PTPRN2: variants seen among roughly 807,000 people sequenced by gnomAD.
PTPRN2 encodes protein tyrosine phosphatase receptor type N2.
Under a neutral mutation model 118.8 loss-of-function variants are expected in PTPRN2, and 74 were observed. The ratio of observed to expected loss-of-function variants is 0.62; its 90% CI spans 0.52 to 0.76. The LOEUF (loss-of-function observed/expected upper bound fraction) is 0.76. Ranked by LOEUF, PTPRN2 falls within the 30% of genes least tolerant of loss-of-function variation. The pLI, the probability that PTPRN2 is intolerant of heterozygous loss-of-function variation, is 0.00. For synonymous variants in PTPRN2, 641 were observed against 608.0 expected, an observed-to-expected ratio of 1.05 and a Z score of -0.80; for missense variants, 1,481 against 1,394.4, an observed-to-expected ratio of 1.06 and a Z score of -0.99.
chr7:158,301,543 G>A (rs1800894240), intron 3 of PTPRN2, among the ~76,000 whole-genome samples: 1 of 152,212 alleles, frequency 6.6e-6, no homozygotes, highest in South Asian at 2.1e-4. Flanking sequence ...TTTGAGTTAT[G>A]TGAACCTTCA....
chr7:158,522,419 C>T (rs1455400953), intron 1 of PTPRN2, among the ~76,000 whole-genome samples: 8 of 150,854 alleles, frequency 5.3e-5, no homozygotes, highest in East Asian at 1.9e-4. Context: ...GGTGCTGGCT[C>T]AGGGGGAAGG....
intron 12 of PTPRN2, among the ~76,000 whole-genome samples, chr7:157,718,044 C>T (rs544670769): frequency 1.0e-3 from 152 of 152,342 alleles, no homozygotes; most frequent in Non-Finnish European, 1.7e-3. Context: ...GGGAATGCTT[C>T]GTTTTTCTGT....
intron 11 of PTPRN2, among the ~76,000 whole-genome samples, chr7:158,052,496 G>T (rs1408389587): frequency 2.6e-5 from 4 of 152,236 alleles, no homozygotes; most frequent in Admixed American, 6.5e-5. Flanking sequence ...CAGCCTCCTG[G>T]GGAAGCCCTG....
At chr7:158,026,019 C>T (rs935217522) in intron 11 of PTPRN2, among the ~76,000 whole-genome samples, 1 of 152,252 alleles carries the variant, frequency 6.6e-6, no homozygotes, top group African/African-American at 2.4e-5. Context: ...TCCCTAAGAC[C>T]CCTCAGCTGC....
intron 10 of PTPRN2, among the ~76,000 whole-genome samples, chr7:158,104,813 C>T (rs568433919): frequency 6.7e-6 from 1 of 149,128 alleles, no homozygotes; most frequent in African/African-American, 2.5e-5. Flanking sequence ...CCCAACTCCA[C>T]ACAGCTCCAT....
intron 11 of PTPRN2, among the ~76,000 whole-genome samples, chr7:157,961,845 G>T (rs569715599): frequency 1.3e-5 from 2 of 152,316 alleles, no homozygotes; most frequent in Non-Finnish European, 2.9e-5. Flanking sequence ...GTTTATGGAG[G>T]ATGAGTTCCA....
intron 17 of PTPRN2, among the ~76,000 whole-genome samples, chr7:157,579,288 C>T (rs144908735): frequency 7.9e-5 from 12 of 152,284 alleles, no homozygotes; most frequent in South Asian, 2.1e-4. Flanking sequence ...ATTTACAAAA[C>T]GCCCACAAAT....
chr7:158,081,162 C>T (rs974692182), intron 11 of PTPRN2, 136 bp downstream of exon 11: 20 of 855,520 alleles, frequency 2.3e-5, no homozygotes, highest in Non-Finnish European at 3.4e-5. Flanking sequence ...CCACGGAAAC[C>T]GAGACCTTCC....
At chr7:157,555,638 T>A (rs1355200665) in intron 21 of PTPRN2, among the ~76,000 whole-genome samples, 2 of 152,232 alleles carry the variant, frequency 1.3e-5, no homozygotes, top group African/African-American at 4.8e-5. Context: ...GCAGGTAAGT[T>A]TTATTACAAT....
chr7:157,957,477 A>ATGGTAATTCCAAACATGAATTAGT (rs1801257243), intron 11 of PTPRN2, among the ~76,000 whole-genome samples: 1 of 152,222 alleles, frequency 6.6e-6, no homozygotes, highest in Non-Finnish European at 1.5e-5. Flanking sequence ...CTGATGGTAC[A>ATGGTAATTCCAAACATGAATTAGT]CACAACAGAT....
intron 11 of PTPRN2, chr7:158,028,213 C>G (rs1317486297): frequency 6.6e-6 from 1 of 152,238 alleles, no homozygotes; most frequent in Non-Finnish European, 1.5e-5. Flanking sequence ...GGCTGAAAAC[C>G]CCACCAGAAC....
chr7:157,656,799 C>A (rs1466003644), intron 13 of PTPRN2, among the ~76,000 whole-genome samples: 2 of 152,026 alleles, frequency 1.3e-5, no homozygotes, highest in East Asian at 3.8e-4. Flanking sequence ...CTCTCAGAAT[C>A]TGAGAATACA....
intron 11 of PTPRN2, among the ~76,000 whole-genome samples, chr7:158,058,105 C>T (rs1475411799): frequency 6.6e-6 from 1 of 152,202 alleles, no homozygotes; most frequent in Non-Finnish European, 1.5e-5. Context: ...TAGCCACTTA[C>T]TGCAGTAGAA....
rs369199131 is a variant in PTPRN2, at chr7:157,913,568, TCTTA to T, written c.1724-14835_1724-14832del. ...AAAAATCAAAATAAGAACAAACTAG[TCTTA>T]CTTTATTCAACATTTTTATTATGAA... On this transcript the variant is annotated intron_variant, in intron 11 of 22. Transcript: ENST00000389418. 1.4e-3 allele frequency among the ~76,000 whole-genome samples: 211 copies of T among 152,374 alleles called. 3 individuals carry two copies. Among genetic ancestry groups the T allele is most frequent in the African/African-American group, 4.8e-3 (198 of 41,592 alleles).
chr7:157,575,137 C>G (rs1799964232), intron 19 of PTPRN2, among the ~76,000 whole-genome samples: 1 of 152,166 alleles, frequency 6.6e-6, no homozygotes, highest in Non-Finnish European at 1.5e-5. Flanking sequence ...AGCAACGTGC[C>G]CATATGCATA....
At chr7:158,441,118 T>C (rs1260638099) in intron 2 of PTPRN2, among the ~76,000 whole-genome samples, 3 of 149,486 alleles carry the variant, frequency 2.0e-5, no homozygotes, top group African/African-American at 5.0e-5. Flanking sequence ...ATGGTGATGG[T>C]GATAGTGGTG....
chr7:158,172,564 C>T (rs1823801756), intron 5 of PTPRN2, among the ~76,000 whole-genome samples: 2 of 150,106 alleles, frequency 1.3e-5, no homozygotes, highest in Admixed American at 6.6e-5. Flanking sequence ...ACTATCTCCA[C>T]CATCCACAAC....
At chr7:158,146,263 C>T (rs1182681331) in intron 6 of PTPRN2, among the ~76,000 whole-genome samples, 1 of 151,982 alleles carries the variant, frequency 6.6e-6, no homozygotes, top group African/African-American at 2.4e-5. Flanking sequence ...TATTTTCTGC[C>T]AAAATATTAA....
At chr7:158,124,179 C>T (rs1817423035) in intron 9 of PTPRN2, among the ~76,000 whole-genome samples, 1 of 152,208 alleles carries the variant, frequency 6.6e-6, no homozygotes, top group South Asian at 2.1e-4. Context: ...TGTGTCTGGG[C>T]CTAAGTAGGC....
Sources: allele counts gnomAD v4.1 joint callset (sites outside exome capture counted in the v4.1 genomes callset), GRCh38; gene constraint gnomAD v4.1.1; transcripts MANE v1.5; gene names NCBI Gene and HGNC (gene_info 2026-07-23, HGNC 2026-07-21).